TRMT11: variants seen among roughly 807,000 people sequenced by gnomAD.
TRMT11 encodes the protein tRNA (guanine(10)-N(2))-methyltransferase TRMT11.
TRMT11 carries 53 observed loss-of-function variants against 62.8 expected under a neutral mutation model. The ratio of observed to expected loss-of-function variants is 0.84; its 90% CI spans 0.68 to 1.06. The LOEUF (loss-of-function observed/expected upper bound fraction) is 1.06, where lower values mean the gene tolerates loss of function less well. TRMT11 is among the 50% of genes least tolerant of loss of function. The probability of loss-of-function intolerance (pLI) is 0.00; values close to 1 mark genes in which losing one functional copy is unlikely to be tolerated. For synonymous variants in TRMT11, 188 were observed against 190.3 expected (o/e 0.99, Z 0.10); for missense variants, 556 against 553.4 (o/e 1.00, Z -0.05).
intron 1 of TRMT11, among the ~76,000 whole-genome samples, chr6:126,187,067 G>C (rs1778535931): frequency 6.6e-6 from 1 of 151,982 alleles, no homozygotes; most frequent in African/African-American, 2.4e-5. Flanking sequence ...AAATAGGGAA[G>C]GATGCCCATT....
chr6:126,098,078 G>A (rs1051128831), intron 17 of TRMT11, among the ~76,000 whole-genome samples: 5 of 152,040 alleles, frequency 3.3e-5, no homozygotes, highest in Non-Finnish European at 1.5e-5. Flanking sequence ...TTTTCTGGAT[G>A]GGTCACACCT....
chr6:126,172,845 A>G (rs1778345610), upstream of TRMT11, among the ~76,000 whole-genome samples: 1 of 152,202 alleles, frequency 6.6e-6, no homozygotes, highest in Admixed American at 6.5e-5. Context: ...GAAAATGTAG[A>G]ACAAAGGAGG....
intron 16 of TRMT11, among the ~76,000 whole-genome samples, chr6:126,052,087 A>T (rs1479715416): frequency 6.6e-6 from 1 of 152,178 alleles, no homozygotes; most frequent in African/African-American, 2.4e-5. Flanking sequence ...TTATACTAGA[A>T]TTACTTAATG....
chr6:126,020,228 A>G (rs1009946137), intron 11 of TRMT11, among the ~76,000 whole-genome samples: 6 of 152,238 alleles, frequency 3.9e-5, no homozygotes, highest in African/African-American at 1.2e-4. Context: ...TACCTGTATA[A>G]TAAATGTGTG....
chr6:126,033,048 G>A (rs1257537206), intron 12 of TRMT11, among the ~76,000 whole-genome samples: 2 of 152,078 alleles, frequency 1.3e-5, no homozygotes, highest in Admixed American at 1.3e-4. Context: ...AACCAATAAA[G>A]CAGCTGAATT....
At chr6:126,164,027 G>T (rs1778229871) in intron 21 of TRMT11, among the ~76,000 whole-genome samples, 2 of 152,104 alleles carry the variant, frequency 1.3e-5, no homozygotes, top group Admixed American at 6.6e-5. Context: ...TTTTGAATTT[G>T]TTTGCTCTTG....
In TRMT11 at chr6:126,097,446, G is replaced by A. The variant is rs192294807; in HGVS notation, c.*1438-15420G>A. On this transcript the variant is annotated intron_variant and NMD_transcript_variant, in intron 17 of 22. Transcript: ENST00000648977. ...CAAAGAATACATTTTCAATGTCCCA[G>A]GCTGATGAATAAAGGGAGCATTTTA... Among the ~76,000 whole-genome samples, 3 of 152,190 alleles carry A rather than the reference G, an allele frequency of 2.0e-5. No homozygotes were observed. In the East Asian group the frequency reaches 5.8e-4, roughly 29 times the overall value.
intron 17 of TRMT11, among the ~76,000 whole-genome samples, chr6:126,072,664 T>C (rs902341352): frequency 6.6e-6 from 1 of 152,188 alleles, no homozygotes; most frequent in Non-Finnish European, 1.5e-5. Flanking sequence ...AACACAAATT[T>C]ATTTCTCACA....
Position 126,110,094 on chromosome 6 carries a change from G to A in TRMT11, c.*1438-2772G>A, listed in dbSNP as rs374392399. On this transcript the variant is annotated intron_variant and NMD_transcript_variant, in intron 17 of 22. Coordinates refer to the TRMT11 transcript ENST00000648977. ...GTGTGTGGACTGAGCTTGATGGCAT[G>A]ATCAGCTGATGCTGCTAAAGACCTG... Among the ~76,000 whole-genome samples, 5 of 152,164 alleles carry A rather than the reference G, an allele frequency of 3.3e-5. 1 individual carries two copies. In the East Asian group the frequency reaches 9.7e-4, roughly 29 times the overall value.
At position 126,167,437 on chromosome 6, in the gene TRMT11, G is replaced by A. The variant is rs191388129; in HGVS notation, c.*1824-7388G>A. ...CCCTGCTTCTGCTCACCCTCCATGG[G>A]CTGCACCCACTGTCTAACCAGTCCC... On this transcript the variant is annotated intron_variant and NMD_transcript_variant, in intron 21 of 22. Coordinates refer to the TRMT11 transcript ENST00000648977. 1.7e-4 allele frequency among the ~76,000 whole-genome samples: 26 copies of A among 152,268 alleles called. No individual in the cohort carries two copies. The East Asian group carries it at 3.9e-3, about 23-fold the overall frequency.
chr6:126,219,387 C>T, the TRMT11 span, among the ~76,000 whole-genome samples: 1 of 152,156 alleles, frequency 6.6e-6, no homozygotes, highest in Admixed American at 6.5e-5. Flanking sequence ...TACTTCTTTT[C>T]CCTTGTACCT....
intron 12 of TRMT11, among the ~76,000 whole-genome samples, chr6:126,023,378 G>A (rs556291231): frequency 1.1e-3 from 172 of 152,190 alleles, no homozygotes; most frequent in African/African-American, 3.9e-3. Context: ...GGCCAGGCGC[G>A]GTGGCTCACG....
At chr6:126,169,426 TG>T (rs1778305531) in intron 21 of TRMT11, among the ~76,000 whole-genome samples, 3 of 152,206 alleles carry the variant, frequency 2.0e-5, no homozygotes, top group African/African-American at 4.8e-5. Flanking sequence ...TGGGCAACAA[TG>T]GTGCTTAGTG....
intron 21 of TRMT11, among the ~76,000 whole-genome samples, chr6:126,130,447 C>T (rs538545884): frequency 6.6e-6 from 1 of 152,140 alleles, no homozygotes; most frequent in Non-Finnish European, 1.5e-5. Flanking sequence ...GGTTAAATAA[C>T]GTGCCAGCAG....
intron 1 of TRMT11, among the ~76,000 whole-genome samples, chr6:126,198,390 ATTT>A (rs1382869926): frequency 5.3e-5 from 8 of 152,130 alleles, no homozygotes; most frequent in African/African-American, 1.7e-4. Flanking sequence ...TTTAAAGGTA[ATTT>A]TAAATGGGTC....
chr6:126,162,656 A>G (rs1279857808), intron 21 of TRMT11, among the ~76,000 whole-genome samples: 2 of 152,200 alleles, frequency 1.3e-5, no homozygotes, highest in African/African-American at 2.4e-5. Flanking sequence ...TTCAGGCAGC[A>G]TGGCCATTTT....
intron 17 of TRMT11, among the ~76,000 whole-genome samples, chr6:126,105,831 G>T (rs1460300210): frequency 6.6e-6 from 1 of 152,148 alleles, no homozygotes; most frequent in Admixed American, 6.6e-5. Flanking sequence ...GTTTGCACTG[G>T]ATTATAAGGT....
upstream of TRMT11, among the ~76,000 whole-genome samples, chr6:126,172,829 A>G (rs113828358): frequency 7.6e-3 from 1,155 of 152,310 alleles, 22 homozygotes; most frequent in African/African-American, 0.026. Context: ...TACATGCAAG[A>G]TCAGAGAAAA....
chr6:126,007,456 T>C (rs1320287292), intron 7 of TRMT11, among the ~76,000 whole-genome samples: 1 of 152,010 alleles, frequency 6.6e-6, no homozygotes, highest in East Asian at 1.9e-4. Context: ...GATTTCAGCT[T>C]GACTAGCAGG....
Sources: gnomAD v4.1 joint callset for allele counts (sites outside exome capture counted in the v4.1 genomes callset) on GRCh38, gnomAD v4.1.1 for gene constraint, MANE v1.5 for transcripts, NCBI Gene and HGNC (gene_info 2026-07-23, HGNC 2026-07-21) for gene names.